ZNF420: variants seen among roughly 807,000 people sequenced by gnomAD.
ZNF420 encodes the protein ATM and p53-associated KZNF protein.
A neutral mutation model predicts 44.7 loss-of-function variants in ZNF420; 31 were observed. The ratio of observed to expected loss-of-function variants is 0.69; its 90% CI spans 0.52 to 0.94. The LOEUF (loss-of-function observed/expected upper bound fraction) is 0.94, where lower values mean the gene tolerates loss of function less well. Ranked by LOEUF, ZNF420 falls within the 40% of genes least tolerant of loss-of-function variation. The pLI, the probability that ZNF420 is intolerant of heterozygous loss-of-function variation, is 0.00. For synonymous variants in ZNF420, 245 were observed against 267.4 expected, an observed-to-expected ratio of 0.92 and a Z score of 0.82; for missense variants, 681 against 827.9, an observed-to-expected ratio of 0.82 and a Z score of 2.18.
chr19:37,042,992 G>A (rs577077968), intron 1 of ZNF420, among the ~76,000 whole-genome samples: 1 of 152,214 alleles, frequency 6.6e-6, no homozygotes, highest in South Asian at 2.1e-4. Context: ...GCTGGCCAGG[G>A]GAGCAGTCAG....
intron 1 of ZNF420, among the ~76,000 whole-genome samples, chr19:37,060,521 A>G (rs1256588826): frequency 6.6e-6 from 1 of 152,026 alleles, no homozygotes; most frequent in African/African-American, 2.4e-5. Flanking sequence ...GTCTGGCTGA[A>G]TGTCTTCAAC....
At chr19:37,038,863 A>G (rs948950784) in intron 1 of ZNF420, among the ~76,000 whole-genome samples, 3 of 152,078 alleles carry the variant, frequency 2.0e-5, no homozygotes, top group East Asian at 1.9e-4. Context: ...GTGCATGCCT[A>G]TAATACCAGC....
At chr19:37,085,932 A>ATT (rs1468302575) in intron 2 of ZNF420, among the ~76,000 whole-genome samples, 55 of 105,184 alleles carry the variant, frequency 5.2e-4, no homozygotes, top group African/African-American at 2.0e-3. Flanking sequence ...TGCCTGGCTG[A>ATT]TGTTTTATTA....
At chr19:37,054,079 T>C (rs1967695629) in intron 1 of ZNF420, among the ~76,000 whole-genome samples, 1 of 152,128 alleles carries the variant, frequency 6.6e-6, no homozygotes, top group Non-Finnish European at 1.5e-5. Context: ...TCCCCCAGCC[T>C]CGCCGCCCCC....
At chr19:37,106,383 A>ATAAACTTTTTGATG (rs1485447845) in intron 4 of ZNF420, among the ~76,000 whole-genome samples, 3 of 152,156 alleles carry the variant, frequency 2.0e-5, no homozygotes, top group Non-Finnish European at 2.9e-5. Flanking sequence ...TCATGGGTAG[A>ATAAACTTTTTGATG]TAAACTTTTT....
intron 4 of ZNF420, among the ~76,000 whole-genome samples, chr19:37,108,915 A>T (rs1328871584): frequency 3.9e-5 from 6 of 152,180 alleles, no homozygotes; most frequent in Non-Finnish European, 8.8e-5. Flanking sequence ...TTGGCCACAC[A>T]TTCTTCCTAA....
chr19:37,073,026 G>A (rs966584937), intron 1 of ZNF420, among the ~76,000 whole-genome samples: 1 of 152,084 alleles, frequency 6.6e-6, no homozygotes, highest in African/African-American at 2.4e-5. Flanking sequence ...TTTTGATTGT[G>A]ATACCACTGG....
chr19:37,099,403 G>C (rs533176419), intron 4 of ZNF420, among the ~76,000 whole-genome samples: 62 of 152,062 alleles, frequency 4.1e-4, no homozygotes, highest in African/African-American at 1.3e-3. Context: ...TCTGATTGTA[G>C]CTTCGATTTG....
At chr19:37,014,787 TG>T in intron 1 of ZNF420, among the ~76,000 whole-genome samples, 1 of 152,190 alleles carries the variant, frequency 6.6e-6, no homozygotes, top group Non-Finnish European at 1.5e-5. Flanking sequence ...AGGAGCCCTC[TG>T]TGGCAGTGTG....
intron 4 of ZNF420, among the ~76,000 whole-genome samples, chr19:37,097,836 A>G (rs1969543156): frequency 1.3e-5 from 2 of 152,128 alleles, no homozygotes; most frequent in Admixed American, 1.3e-4. Context: ...ACCTTTGTTC[A>G]CGAGATTGGC....
intron 2 of ZNF420, among the ~76,000 whole-genome samples, chr19:37,087,301 ATAAAT>A (rs1568446960): frequency 3.3e-4 from 41 of 124,582 alleles, no homozygotes; most frequent in African/African-American, 1.0e-3. Flanking sequence ...AAATAAATAA[ATAAAT>A]AAATAAATAA....
chr19:37,019,622 A>G (rs773033876), intron 1 of ZNF420, among the ~76,000 whole-genome samples: 23 of 152,182 alleles, frequency 1.5e-4, no homozygotes, highest in Non-Finnish European at 2.1e-4. Context: ...TAACAATACA[A>G]AAATTAGCCA....
Position 37,091,051 on chromosome 19 carries a change from C to A in ZNF420, c.66C>A (p.Cys22Ter), listed in dbSNP as rs201391260. ...ACTTCTCTCAGGAAGAGTGGGAATGCCTGGACTCTGCTCAGAGAGATTTGT... is the reference window on the plus strand; with the variant it reads ...ACTTCTCTCAGGAAGAGTGGGAATGACTGGACTCTGCTCAGAGAGATTTGT... ...AIDFSQEEWE[C>*]LDSAQRDLYR... The change falls in exon 4 of 5, where the codon TGC (cysteine) becomes TGA (stop). Residue 22 changes from cysteine (C) to a stop codon, truncating the protein, a stop_gained. Coordinates refer to ENST00000337995, the MANE Select transcript of ZNF420 (RefSeq NM_144689.5). LOFTEE classifies it high-confidence loss of function. 5 of 1,613,092 alleles carry A rather than the reference C, an allele frequency of 3.1e-6. No individual in the cohort carries two copies.
chr19:37,064,950 G>A (rs1967942175), intron 1 of ZNF420, among the ~76,000 whole-genome samples: 3 of 152,224 alleles, frequency 2.0e-5, no homozygotes, highest in Admixed American at 1.3e-4. Flanking sequence ...CACAATCGTA[G>A]AGGCTGCGAA....
At chr19:37,054,011 T>C (rs1305891549) in intron 1 of ZNF420, among the ~76,000 whole-genome samples, 1 of 152,194 alleles carries the variant, frequency 6.6e-6, no homozygotes, top group Non-Finnish European at 1.5e-5. Flanking sequence ...CTCCACCCAG[T>C]TGGAGCTTCC....
At chr19:37,014,588 G>C (rs575882659) in intron 1 of ZNF420, among the ~76,000 whole-genome samples, 1 of 152,300 alleles carries the variant, frequency 6.6e-6, no homozygotes, top group East Asian at 1.9e-4. Context: ...CCCCCAAGCC[G>C]CCGCCGGTCC....
At chr19:37,035,438 A>G (rs528814370) in intron 1 of ZNF420, among the ~76,000 whole-genome samples, 3 of 152,292 alleles carry the variant, frequency 2.0e-5, no homozygotes, top group Middle Eastern at 3.4e-3. Context: ...AGCTCAGGCA[A>G]TCTGCCCATC....
At chr19:37,069,833 T>G (rs1266499560) in intron 1 of ZNF420, among the ~76,000 whole-genome samples, 1 of 152,052 alleles carries the variant, frequency 6.6e-6, no homozygotes, top group Non-Finnish European at 1.5e-5. Flanking sequence ...CCTTACCAGT[T>G]TATATTAGAA....
At chr19:37,098,517 C>T (rs550411090) in intron 4 of ZNF420, among the ~76,000 whole-genome samples, 27 of 151,452 alleles carry the variant, frequency 1.8e-4, no homozygotes, top group South Asian at 2.1e-4. Flanking sequence ...TTTACTGTTG[C>T]GTTAATAGGT....
Sources: allele counts gnomAD v4.1 joint callset (sites outside exome capture counted in the v4.1 genomes callset), GRCh38; gene constraint gnomAD v4.1.1; transcripts MANE v1.5; gene names NCBI Gene and HGNC (gene_info 2026-07-23, HGNC 2026-07-21).